Variants in PCDHA8 observed in about 807,000 individuals in gnomAD.
PCDHA8 encodes the protein protocadherin alpha-8.
Under a neutral mutation model 61.8 loss-of-function variants are expected in PCDHA8, and 53 were observed. That is an observed-to-expected ratio of 0.86 (90% CI 0.69 to 1.08). PCDHA8 has a LOEUF of 1.08. Ranked by LOEUF, PCDHA8 falls within the 50% of genes least tolerant of loss-of-function variation. PCDHA8 has a pLI of 0.00. For missense variants in PCDHA8, 1,293 were observed against 1,245.0 expected (o/e 1.04, Z -0.58); for synonymous variants, 618 against 556.6 (o/e 1.11, Z -1.55).
At chr5:140,876,172 G>C in intron 1 of PCDHA8, 1 of 1,613,970 alleles carries the variant, frequency 6.2e-7, no homozygotes, top group East Asian at 2.2e-5. Flanking sequence ...AACCGTCCTG[G>C]ATGTGAATGA....
chr5:140,966,990 G>A, intron 1 of PCDHA8: 1 of 1,604,280 alleles, frequency 6.2e-7, no homozygotes, highest in Non-Finnish European at 8.5e-7. Context: ...TTGGGGCCGG[G>A]TTGCTTGCGC....
chr5:140,985,289 T>C (rs2097145554), intron 3 of PCDHA8, among the ~76,000 whole-genome samples: 2 of 152,172 alleles, frequency 1.3e-5, no homozygotes, highest in African/African-American at 4.8e-5. Flanking sequence ...ATCTATGATA[T>C]AGTGTTGGCT....
Position 140,877,369 on chromosome 5 carries a change from A to C in PCDHA8, c.2394+33654A>C, listed in dbSNP as rs201135340. 6.4e-5 allele frequency: 103 copies of C among 1,614,000 alleles called. No homozygotes were observed. The African/African-American group carries it at 1.3e-3, about 20-fold the overall frequency. ...GGGGCTGTACACTGGCGAGATCAGC[A>C]CGACACGCATCCTGGATGAGGCGGA... On this transcript the variant is annotated intron_variant, in intron 1 of 3. Transcript: ENST00000531613.
intron 1 of PCDHA8, among the ~76,000 whole-genome samples, chr5:140,886,515 G>A (rs1554182564): frequency 3.9e-5 from 6 of 151,972 alleles, no homozygotes; most frequent in Non-Finnish European, 8.8e-5. Flanking sequence ...TGGATTTTAA[G>A]GTCTGCATAT....
At chr5:140,998,722 G>A (rs572133347) in intron 3 of PCDHA8, among the ~76,000 whole-genome samples, 4 of 152,002 alleles carry the variant, frequency 2.6e-5, no homozygotes, top group Non-Finnish European at 4.4e-5. Flanking sequence ...GCACCACCAC[G>A]CTAGGCTAAT....
intron 1 of PCDHA8, among the ~76,000 whole-genome samples, chr5:140,925,028 T>C (rs2082253756): frequency 6.6e-6 from 1 of 151,580 alleles, no homozygotes; most frequent in Admixed American, 6.6e-5. Context: ...GGAGGATCGC[T>C]TGAGCCCAGA....
In PCDHA8 at chr5:140,857,453, C is replaced by T. The variant is rs545328956; in HGVS notation, c.2394+13738C>T. 59 of 1,598,490 alleles carry T rather than the reference C, an allele frequency of 3.7e-5. 5 individuals carry two copies. The highest frequency in any genetic ancestry group is 5.1e-5 in the Non-Finnish European group (59 of 1,167,918). On this transcript the variant is annotated intron_variant, in intron 1 of 3. Coordinates refer to ENST00000531613, the MANE Select transcript of PCDHA8 (RefSeq NM_018911.3). ...GGTGTTCGTGAAGGAGAACAACCCG[C>T]CAGGCTGCCACATCTTCACGGTGTC...
chr5:140,924,907 AAAAT>A (rs1563068966), intron 1 of PCDHA8, among the ~76,000 whole-genome samples: 53 of 50,956 alleles, frequency 1.0e-3, no homozygotes, highest in African/African-American at 2.1e-3. Flanking sequence ...AAAAAAAAAT[AAAAT>A]AAAATAAAAT....
Position 140,842,888 on chromosome 5 carries a change from C to G in PCDHA8, c.1567C>G (p.Leu523Val). ...ESGKVYALQP[L>V]DHEELELLQF... ...CGGCAAGGTGTACGCGCTGCAGCCG[C>G]TGGACCACGAGGAGCTAGAGCTGCT... is the stretch of plus-strand genomic sequence containing the variant. Residue 523 changes from leucine (L) to valine (V), a missense_variant, in exon 1 of 4, where the codon CTG becomes GTG. Transcript: ENST00000531613. 6.3e-7 allele frequency: 1 copy of G among 1,593,820 alleles called. No homozygotes were observed. The highest frequency in any genetic ancestry group is 1.1e-5 in the South Asian group (1 of 90,458).
intron 1 of PCDHA8, chr5:140,929,155 C>G: frequency 6.2e-7 from 1 of 1,614,156 alleles, no homozygotes; most frequent in Non-Finnish European, 8.5e-7. Flanking sequence ...TCAGACTTAT[C>G]TCTATCGGGC....
In PCDHA8 at chr5:140,937,678, T is replaced by C. The variant is rs570305485; in HGVS notation, c.2395-41271T>C. On this transcript the variant is annotated intron_variant, in intron 1 of 3. Coordinates refer to ENST00000531613, the MANE Select transcript of PCDHA8 (RefSeq NM_018911.3). ...CTGTAATCCCAGCACTTTGGGAGGC[T>C]GAGGCAGGCGGATCACGAGGTCAGG... Among the ~76,000 whole-genome samples the C allele has an allele frequency of 5.4e-3, 825 of 151,734 alleles. 2 individuals are homozygous for C. Among genetic ancestry groups the C allele is most frequent in the African/African-American group, 0.019 (794 of 41,384 alleles).
At chr5:140,866,540 C>T (rs920003585) in intron 1 of PCDHA8, 4 of 152,134 alleles carry the variant, frequency 2.6e-5, no homozygotes, top group Admixed American at 2.6e-4. Context: ...GAATTAGCAT[C>T]ACGGAATAAA....
At chr5:140,897,438 G>A (rs2066109195) in intron 1 of PCDHA8, among the ~76,000 whole-genome samples, 1 of 149,226 alleles carries the variant, frequency 6.7e-6, no homozygotes, top group African/African-American at 2.5e-5. Context: ...AACATGCAGT[G>A]TTTGGTTTTT....
intron 1 of PCDHA8, among the ~76,000 whole-genome samples, chr5:140,964,412 GC>G (rs1330052602): frequency 7.9e-5 from 12 of 152,126 alleles, no homozygotes; most frequent in African/African-American, 2.9e-4. Flanking sequence ...ACATTTGGGG[GC>G]TTCCATTAAA....
intron 3 of PCDHA8, among the ~76,000 whole-genome samples, chr5:141,007,447 A>T (rs2153992021): frequency 6.6e-6 from 1 of 151,258 alleles, no homozygotes; most frequent in South Asian, 2.1e-4. Flanking sequence ...ATGTGCCTGT[A>T]GTCCCAGCTA....
intron 1 of PCDHA8, among the ~76,000 whole-genome samples, chr5:140,960,522 T>C (rs1261145307): frequency 6.6e-6 from 1 of 152,090 alleles, no homozygotes; most frequent in African/African-American, 2.4e-5. Flanking sequence ...ATAATGGGTA[T>C]AGGAAAGAGA....
intron 1 of PCDHA8, chr5:140,857,107 T>C (rs1206126233): frequency 6.3e-7 from 1 of 1,597,628 alleles, no homozygotes; most frequent in Non-Finnish European, 8.6e-7. Flanking sequence ...TTGTCACTTC[T>C]CTGTCTCTCC....
At chr5:140,857,723 G>C (rs782731784) in intron 1 of PCDHA8, 1 of 1,597,514 alleles carries the variant, frequency 6.3e-7, no homozygotes, top group Non-Finnish European at 8.6e-7. Flanking sequence ...GGACGAGAAC[G>C]ACAACGCTCC....
At chr5:140,962,817 G>A (rs555403742) in intron 1 of PCDHA8, among the ~76,000 whole-genome samples, 2 of 152,202 alleles carry the variant, frequency 1.3e-5, no homozygotes, top group South Asian at 4.1e-4. Flanking sequence ...CATCAGAGAT[G>A]ACCATTTGTC....
Sources: allele counts gnomAD v4.1 joint callset (sites outside exome capture counted in the v4.1 genomes callset), GRCh38; gene constraint gnomAD v4.1.1; transcripts MANE v1.5; gene names NCBI Gene and HGNC (gene_info 2026-07-23, HGNC 2026-07-21).